Variants in CRTAC1 observed in about 807,000 individuals in gnomAD.
The protein encoded by CRTAC1 is cartilage acidic protein 1, also known as acidic secreted protein in cartilage.
Under a neutral mutation model 67.8 loss-of-function variants are expected in CRTAC1, and 37 were observed. The observed-to-expected ratio is 0.55, with a 90% CI of 0.42 to 0.72. The LOEUF (loss-of-function observed/expected upper bound fraction) is 0.72, where lower values mean the gene tolerates loss of function less well. Among genes scored for constraint, CRTAC1 ranks in the 30% least tolerant of loss-of-function variants. The probability of loss-of-function intolerance (pLI) is 0.00; values close to 1 mark genes in which losing one functional copy is unlikely to be tolerated. For missense variants in CRTAC1, 780 were observed against 931.6 expected, an observed-to-expected ratio of 0.84 and a Z score of 2.12; for synonymous variants, 348 against 371.0, an observed-to-expected ratio of 0.94 and a Z score of 0.71.
At chr10:97,990,250 C>T (rs1323406070) in intron 2 of CRTAC1, among the ~76,000 whole-genome samples, 2 of 152,294 alleles carry the variant, frequency 1.3e-5, no homozygotes, top group East Asian at 1.9e-4. Context: ...CGTCTTACTC[C>T]TACCTGCTTG....
chr10:97,928,269 G>A (rs967276628), intron 3 of CRTAC1, among the ~76,000 whole-genome samples: 1 of 152,204 alleles, frequency 6.6e-6, no homozygotes, highest in Non-Finnish European at 1.5e-5. Context: ...GTCTGCAGGT[G>A]AGGCTCAGGT....
At chr10:98,012,178 A>G (rs1443618969) in intron 1 of CRTAC1, among the ~76,000 whole-genome samples, 1 of 152,222 alleles carries the variant, frequency 6.6e-6, no homozygotes, top group Non-Finnish European at 1.5e-5. Flanking sequence ...TTAATTATGT[A>G]TAATGCATTG....
At chr10:97,873,858 A>C (rs1309333779) in intron 14 of CRTAC1, among the ~76,000 whole-genome samples, 1 of 152,204 alleles carries the variant, frequency 6.6e-6, no homozygotes, top group African/African-American at 2.4e-5. Flanking sequence ...CCCTCCTCAC[A>C]GCTGAACAGG....
intron 2 of CRTAC1, among the ~76,000 whole-genome samples, chr10:97,963,464 C>T (rs1188560262): frequency 6.6e-6 from 1 of 152,222 alleles, no homozygotes; most frequent in Non-Finnish European, 1.5e-5. Flanking sequence ...CTGGCTTGGA[C>T]TATTGCAACA....
At position 97,886,591 on chromosome 10, in the gene CRTAC1, A is replaced by T. The variant is rs142893868; in HGVS notation, c.1487-2240T>A. On this transcript the variant is annotated intron_variant, in intron 11 of 14. Coordinates refer to ENST00000370597, the MANE Select transcript of CRTAC1 (RefSeq NM_018058.7). ...CTCAATCTACAAGAATTCCTTCTGC[A>T]GAAGCGGGGTGAAAATGGGACTGGG... 4.0e-3 allele frequency among the ~76,000 whole-genome samples: 603 copies of T among 152,216 alleles called. 7 individuals carry two copies. The highest frequency in any genetic ancestry group is 0.014 in the African/African-American group (575 of 41,516).
chr10:97,927,802 A>G (rs564328185), intron 3 of CRTAC1, among the ~76,000 whole-genome samples: 4 of 152,326 alleles, frequency 2.6e-5, no homozygotes, highest in African/African-American at 9.6e-5. Flanking sequence ...GGCAGCTGCA[A>G]TCTGGGTAAT....
chr10:97,942,026 C>T (rs111664279), intron 2 of CRTAC1, among the ~76,000 whole-genome samples: 9 of 152,200 alleles, frequency 5.9e-5, no homozygotes, highest in Non-Finnish European at 1.0e-4. Flanking sequence ...GCTCCCACCA[C>T]CCAGAACACT....
chr10:98,014,242 AT>A lies in CRTAC1; in HGVS notation c.25-2906del, dbSNP rs1476057992. On this transcript the variant is annotated intron_variant, in intron 1 of 14. Transcript: ENST00000370597. ...GGCATCACTTAGGAGCTTGTTGGAA[AT>A]GCAGAATCTTGGATCCCACTCCAGA... Among the ~76,000 whole-genome samples, 4 of 152,236 alleles carry A rather than the reference AT, an allele frequency of 2.6e-5. No individual in the cohort carries two copies. The South Asian group carries it at 8.3e-4, about 32-fold the overall frequency.
At chr10:98,027,218 C>A (rs979660631) in intron 1 of CRTAC1, among the ~76,000 whole-genome samples, 2 of 151,372 alleles carry the variant, frequency 1.3e-5, no homozygotes, top group East Asian at 3.9e-4. Flanking sequence ...ACTCAGCAAA[C>A]CTGTTTCCCA....
At chr10:97,904,263 C>G (rs2136569443) in intron 7 of CRTAC1, among the ~76,000 whole-genome samples, 1 of 152,204 alleles carries the variant, frequency 6.6e-6, no homozygotes, top group Admixed American at 6.5e-5. Context: ...CTGGTGTAAC[C>G]TTCCTTGTCA....
intron 2 of CRTAC1, among the ~76,000 whole-genome samples, chr10:97,946,490 C>T (rs2051266115): frequency 6.6e-6 from 1 of 152,104 alleles, no homozygotes; most frequent in Non-Finnish European, 1.5e-5. Flanking sequence ...GTAAAAAACC[C>T]CAGAAAAGAG....
chr10:97,931,301 C>T (rs1191302577), intron 3 of CRTAC1, among the ~76,000 whole-genome samples: 1 of 152,208 alleles, frequency 6.6e-6, no homozygotes, highest in East Asian at 1.9e-4. Flanking sequence ...GAAAACTACA[C>T]ATGTATATTC....
intron 2 of CRTAC1, among the ~76,000 whole-genome samples, chr10:97,999,886 CAG>C (rs939966596): frequency 3.9e-5 from 6 of 152,204 alleles, no homozygotes; most frequent in African/African-American, 1.4e-4. Context: ...CTGAGAGCGG[CAG>C]AGATGACTGA....
chr10:98,015,701 C>G (rs1373266592), intron 1 of CRTAC1, among the ~76,000 whole-genome samples: 1 of 152,170 alleles, frequency 6.6e-6, no homozygotes, highest in Non-Finnish European at 1.5e-5. Context: ...GAGCAGTGCT[C>G]TATATCAGTG....
At chr10:97,990,256 G>T (rs1842417562) in intron 2 of CRTAC1, among the ~76,000 whole-genome samples, 1 of 152,154 alleles carries the variant, frequency 6.6e-6, no homozygotes, top group African/African-American at 2.4e-5. Context: ...ACTCCTACCT[G>T]CTTGGCTTGT....
chr10:98,000,716 T>C (rs748657924), intron 2 of CRTAC1, among the ~76,000 whole-genome samples: 14 of 152,312 alleles, frequency 9.2e-5, no homozygotes, highest in Admixed American at 2.0e-4. Flanking sequence ...CCTGAAACGC[T>C]GCCACCTTCA....
At chr10:98,011,586 C>A (rs1842910162) in intron 1 of CRTAC1, among the ~76,000 whole-genome samples, 1 of 152,078 alleles carries the variant, frequency 6.6e-6, no homozygotes, top group Admixed American at 6.6e-5. Context: ...TTTTCTACAG[C>A]ATCTATCATT....
At chr10:97,924,778 G>A (rs568177001) in intron 3 of CRTAC1, among the ~76,000 whole-genome samples, 27 of 152,312 alleles carry the variant, frequency 1.8e-4, no homozygotes, top group South Asian at 1.2e-3. Flanking sequence ...ACTTTCCAAG[G>A]TTCTTTAGAG....
intron 1 of CRTAC1, among the ~76,000 whole-genome samples, chr10:98,018,238 A>C (rs565481751): frequency 0.013 from 1,776 of 137,060 alleles, 58 homozygotes; most frequent in African/African-American, 0.045. Context: ...AAAAAGAGAG[A>C]GAGAGAGAGA....
Sources: allele counts gnomAD v4.1 joint callset (sites outside exome capture counted in the v4.1 genomes callset), GRCh38; gene constraint gnomAD v4.1.1; transcripts MANE v1.5; gene names NCBI Gene and HGNC (gene_info 2026-07-23, HGNC 2026-07-21).